The following SCFD2 variants were observed in gnomAD, a reference collection of about 807,000 sequenced individuals.
SCFD2 encodes the protein sec1 family domain containing 2.
A neutral mutation model predicts 58.9 loss-of-function variants in SCFD2; 54 were observed. That is an observed-to-expected ratio of 0.92 (90% CI 0.74 to 1.15). The LOEUF is 1.15. Ranked by LOEUF, SCFD2 falls within the 50% of genes most tolerant of loss-of-function variation. The probability of loss-of-function intolerance (pLI) is 0.00; values close to 1 mark genes in which losing one functional copy is unlikely to be tolerated. For missense variants in SCFD2, 805 were observed against 836.6 expected, an observed-to-expected ratio of 0.96 and a Z score of 0.47; for synonymous variants, 321 against 335.9, an observed-to-expected ratio of 0.96 and a Z score of 0.49.
chr4:53,201,962 C>T (rs547478594), intron 4 of SCFD2, among the ~76,000 whole-genome samples: 3 of 152,194 alleles, frequency 2.0e-5, no homozygotes, highest in African/African-American at 7.2e-5. Context: ...AAATTTTCTC[C>T]CATTCTGAAG....
At chr4:53,082,739 A>G (rs1003054136) in intron 5 of SCFD2, among the ~76,000 whole-genome samples, 5 of 152,074 alleles carry the variant, frequency 3.3e-5, no homozygotes, top group African/African-American at 1.2e-4. Flanking sequence ...CAGAGAGCAG[A>G]GAGCAAATTT....
chr4:53,287,542 A>G (rs1215111396), intron 3 of SCFD2, among the ~76,000 whole-genome samples: 1 of 152,114 alleles, frequency 6.6e-6, no homozygotes, highest in African/African-American at 2.4e-5. Context: ...ACCAGAGTCA[A>G]TGCACCCTGC....
rs555660712 is a variant in SCFD2 at position 52,885,600 on chromosome 4, C to T, written c.1962+147G>A. On this transcript the variant is annotated intron_variant, in intron 8 of 8. Coordinates refer to ENST00000401642, the MANE Select transcript of SCFD2 (RefSeq NM_152540.4). ...CTGCAGGAAGACATTGTGAAACAGG[C>T]GGTAGCAGGAGGGAGGGAACAAAGC... 6.9e-5 allele frequency: 59 copies of T among 849,180 alleles called. 1 individual carries two copies. The highest frequency in any genetic ancestry group is 6.1e-4 in the South Asian group (37 of 61,114). The allele number at this position is 849,180 out of a possible 1,614,324, so 52.6% of individuals were successfully genotyped here. A position where few individuals can be genotyped will look rare whatever the true frequency, so the allele number is the denominator to read the frequency against.
At chr4:52,922,301 T>C (rs555394739) in intron 5 of SCFD2, among the ~76,000 whole-genome samples, 10 of 152,168 alleles carry the variant, frequency 6.6e-5, no homozygotes, top group Non-Finnish European at 1.3e-4. Context: ...TTTATAACAC[T>C]GTGTCACCCC....
At chr4:53,341,925 C>T (rs182857454) in intron 2 of SCFD2, among the ~76,000 whole-genome samples, 1 of 152,146 alleles carries the variant, frequency 6.6e-6, no homozygotes, top group Non-Finnish European at 1.5e-5. Context: ...TTTGTCACCA[C>T]CAGGTCTGCT....
intron 4 of SCFD2, among the ~76,000 whole-genome samples, chr4:53,250,886 A>G (rs1730343417): frequency 6.6e-6 from 1 of 152,216 alleles, no homozygotes; most frequent in African/African-American, 2.4e-5. Context: ...GCAAGAAATA[A>G]CTAAGATCAG....
At chr4:52,907,429 C>T (rs375309685) in intron 7 of SCFD2, 28 bp downstream of exon 7, 1 of 1,609,524 alleles carries the variant, frequency 6.2e-7, no homozygotes, top group African/African-American at 1.3e-5. Context: ...TTTCTACACT[C>T]AGGATTACCT....
intron 5 of SCFD2, among the ~76,000 whole-genome samples, chr4:52,939,709 C>A: frequency 6.8e-6 from 1 of 147,562 alleles, no homozygotes; most frequent in African/African-American, 2.5e-5. Context: ...TAAGAGTACA[C>A]TCAAAGGAAT....
At chr4:53,099,274 T>C (rs1045452636) in intron 5 of SCFD2, among the ~76,000 whole-genome samples, 3 of 152,134 alleles carry the variant, frequency 2.0e-5, no homozygotes, top group Non-Finnish European at 4.4e-5. Flanking sequence ...TCACATGAGG[T>C]CACAAAATTT....
intron 5 of SCFD2, among the ~76,000 whole-genome samples, chr4:53,093,113 G>A (rs1380139947): frequency 1.3e-5 from 2 of 152,078 alleles, no homozygotes; most frequent in African/African-American, 4.8e-5. Context: ...GGAAAAAGAG[G>A]AGAGTTGATC....
intron 5 of SCFD2, among the ~76,000 whole-genome samples, chr4:52,967,816 G>A (rs1318227867): frequency 1.3e-5 from 2 of 152,144 alleles, no homozygotes; most frequent in African/African-American, 2.4e-5. Context: ...GGGCTCTGGA[G>A]CCTGTGTCTC....
chr4:52,918,102 T>C (rs935619919), intron 6 of SCFD2, among the ~76,000 whole-genome samples: 17 of 152,176 alleles, frequency 1.1e-4, no homozygotes, highest in Admixed American at 7.2e-4. Flanking sequence ...GACATCTCAA[T>C]CAGATTCTGT....
At chr4:53,211,509 C>T (rs1728612505) in intron 4 of SCFD2, among the ~76,000 whole-genome samples, 3 of 152,118 alleles carry the variant, frequency 2.0e-5, no homozygotes, top group African/African-American at 7.3e-5. Flanking sequence ...CAACTTGAAG[C>T]TGGTCAGTTA....
chr4:53,032,281 T>C (rs1175577720), intron 5 of SCFD2, among the ~76,000 whole-genome samples: 1 of 152,170 alleles, frequency 6.6e-6, no homozygotes, highest in Non-Finnish European at 1.5e-5. Flanking sequence ...CAAGAGCTCC[T>C]GAAGGAAGCA....
rs549101430 is a variant in SCFD2, at chr4:53,049,579, C to G, written c.1561+95754G>C. On this transcript the variant is annotated intron_variant, in intron 5 of 8. Transcript: ENST00000401642. Reference sequence around the variant, plus strand: ...TCTGGTGCTCTAAACCACCATGTTTCACTGCCATTAGCTATCGTCTCCTCC... The same window carrying G: ...TCTGGTGCTCTAAACCACCATGTTTGACTGCCATTAGCTATCGTCTCCTCC... 5.9e-5 allele frequency among the ~76,000 whole-genome samples: 9 copies of G among 152,278 alleles called. No individual in the cohort carries two copies. In the South Asian group the frequency reaches 1.9e-3, roughly 32 times the overall value.
At chr4:53,105,887 G>A (rs1333113278) in intron 5 of SCFD2, among the ~76,000 whole-genome samples, 8 of 75,698 alleles carry the variant, frequency 1.1e-4, no homozygotes, top group African/African-American at 1.5e-4. Flanking sequence ...CCCACCCCCC[G>A]CCTCCTGACT....
At chr4:52,886,344 C>G (rs1718741052) in intron 7 of SCFD2, among the ~76,000 whole-genome samples, 1 of 152,232 alleles carries the variant, frequency 6.6e-6, no homozygotes, top group Admixed American at 6.5e-5. Context: ...ACCCTTGCAT[C>G]CCCTCTCTGC....
At chr4:53,318,509 T>C (rs1424581130) in intron 2 of SCFD2, among the ~76,000 whole-genome samples, 1 of 152,090 alleles carries the variant, frequency 6.6e-6, no homozygotes, top group Non-Finnish European at 1.5e-5. Context: ...AGATGAAAAA[T>C]CTATTTTTAG....
intron 8 of SCFD2, among the ~76,000 whole-genome samples, chr4:52,874,365 C>T (rs892727283): frequency 1.3e-5 from 2 of 152,144 alleles, no homozygotes; most frequent in African/African-American, 4.8e-5. Flanking sequence ...CAGGCAGAGC[C>T]CAGCCACTAC....
Sources: gnomAD v4.1 joint callset for allele counts (sites outside exome capture counted in the v4.1 genomes callset) on GRCh38, gnomAD v4.1.1 for gene constraint, MANE v1.5 for transcripts, NCBI Gene and HGNC (gene_info 2026-07-23, HGNC 2026-07-21) for gene names.